Variants in STAP1 observed in about 807,000 individuals in gnomAD.
The protein encoded by STAP1 is signal-transducing adaptor protein 1.
In STAP1, 30 loss-of-function variants were observed where a neutral mutation model predicts 37.8. That is an observed-to-expected ratio of 0.79 (90% CI 0.59 to 1.08). The LOEUF (loss-of-function observed/expected upper bound fraction) is 1.08. STAP1 is among the 50% of genes least tolerant of loss of function. The pLI is 0.00. For synonymous variants in STAP1, 130 were observed against 116.0 expected (o/e 1.12, Z -0.78); for missense variants, 357 against 349.4 (o/e 1.02, Z -0.17).
intron 4 of STAP1, among the ~76,000 whole-genome samples, chr4:67,577,651 C>CTTTTT (rs71219058): frequency 2.2e-5 from 2 of 91,580 alleles, no homozygotes; most frequent in African/African-American, 1.1e-4. Flanking sequence ...TTCTTTCTTT[C>CTTTTT]TTTTTTTTTT....
At chr4:67,575,689 T>C (rs2109861021) in intron 3 of STAP1, among the ~76,000 whole-genome samples, 191 bp downstream of exon 3, 1 of 152,354 alleles carries the variant, frequency 6.6e-6, no homozygotes, top group East Asian at 1.9e-4. Context: ...TTGTTTAGCA[T>C]ACAAGCGCCA....
chr4:67,564,109 G>A (rs936128307), intron 1 of STAP1, among the ~76,000 whole-genome samples: 6 of 151,850 alleles, frequency 4.0e-5, no homozygotes, highest in Non-Finnish European at 4.4e-5. Context: ...ACATCTTATC[G>A]AAATGAAATC....
Position 67,590,868 on chromosome 4 carries a change from A to G in STAP1, c.660-16A>G. On this transcript the variant is annotated splice_polypyrimidine_tract_variant and intron_variant, in intron 6 of 8. Coordinates refer to ENST00000265404, the MANE Select transcript of STAP1 (RefSeq NM_012108.4). ...TTGTATAATAAAATGGAGACTAACC[A>G]TTTGTTTCATTGTAGCATTCCAAGA... 1 of 1,600,562 alleles carries G rather than the reference A, an allele frequency of 6.2e-7. No individual in the cohort carries two copies. The highest frequency in any genetic ancestry group is 1.1e-5 in the South Asian group (1 of 89,788).
chr4:67,558,841 C>T lies in STAP1; in HGVS notation c.32C>T (p.Pro11Leu). MMAKKPPKPA[P>L]RRIFQERLKI... ...GCTAAGAAGCCCCCAAAACCAGCCC[C>T]TCGCAGGATCTTCCAGGAAAGGTTA... The change falls in exon 1 of 9, where the codon CCT becomes CTT. Residue 11 changes from proline (P) to leucine (L), a missense_variant. By Grantham distance (98) the Pro-to-Leu change is moderately conservative (BLOSUM62 -3). Coordinates refer to ENST00000265404, the MANE Select transcript of STAP1 (RefSeq NM_012108.4). The T allele has an allele frequency of 1.9e-6, 3 of 1,613,530 alleles. No individual in the cohort carries two copies. Among genetic ancestry groups the T allele is most frequent in the Non-Finnish European group, 2.5e-6 (3 of 1,179,606 alleles).
chr4:67,574,756 A>T (rs1463190009), intron 2 of STAP1, among the ~76,000 whole-genome samples: 2 of 152,366 alleles, frequency 1.3e-5, no homozygotes, highest in Non-Finnish European at 2.9e-5. Flanking sequence ...CGAAGAATGT[A>T]CAACAGGCTG....
intron 6 of STAP1, among the ~76,000 whole-genome samples, chr4:67,588,498 C>T (rs1222555378): frequency 6.6e-6 from 1 of 152,142 alleles, no homozygotes; most frequent in Non-Finnish European, 1.5e-5. Flanking sequence ...CCATCTCCGC[C>T]TCCCGGGTTC....
chr4:67,587,726 T>C (rs1728016340), intron 6 of STAP1, among the ~76,000 whole-genome samples: 1 of 149,998 alleles, frequency 6.7e-6, no homozygotes, highest in Non-Finnish European at 1.5e-5. Context: ...TTTCTTTTTT[T>C]TTTTTTTTTT....
intron 6 of STAP1, 120 bp from the exon 7 acceptor site, chr4:67,590,764 T>TTG (rs1472726904): frequency 2.6e-6 from 1 of 390,666 alleles, no homozygotes; most frequent in East Asian, 4.2e-5. Flanking sequence ...TTTTTTTTTT[T>TTG]TGCCAAACTA....
intron 1 of STAP1, among the ~76,000 whole-genome samples, chr4:67,565,931 C>T (rs1046983792): frequency 2.2e-5 from 3 of 136,326 alleles, no homozygotes; most frequent in Non-Finnish European, 4.7e-5. Context: ...CTCAACCCAA[C>T]TGCTTTTTTT....
intron 8 of STAP1, among the ~76,000 whole-genome samples, chr4:67,601,215 G>A (rs2632452): frequency 0.85 from 128,581 of 152,164 alleles, 55,615 homozygotes; most frequent in Non-Finnish European, 0.94. Flanking sequence ...ACAACTTAAC[G>A]TTGACTGCAA....
At chr4:67,592,865 G>T (rs60017253) in intron 7 of STAP1, among the ~76,000 whole-genome samples, 1 of 151,910 alleles carries the variant, frequency 6.6e-6, no homozygotes, top group Non-Finnish European at 1.5e-5. Context: ...TTCAATTTTC[G>T]TAGAGACAGG....
chr4:67,604,514 T>C (rs966307955), intron 8 of STAP1, among the ~76,000 whole-genome samples: 1 of 152,198 alleles, frequency 6.6e-6, no homozygotes, highest in Non-Finnish European at 1.5e-5. Flanking sequence ...CATCTATCTT[T>C]ATATTCATTT....
chr4:67,584,552 T>A (rs540166455), intron 6 of STAP1, among the ~76,000 whole-genome samples: 1 of 152,300 alleles, frequency 6.6e-6, no homozygotes, highest in East Asian at 1.9e-4. Flanking sequence ...TGGTTGCTAT[T>A]GTTTTAATAT....
intron 4 of STAP1, among the ~76,000 whole-genome samples, chr4:67,580,951 C>G (rs1727840100): frequency 6.6e-6 from 1 of 152,176 alleles, no homozygotes; most frequent in African/African-American, 2.4e-5. Flanking sequence ...TGAAGGTGTT[C>G]TGGAAAATCC....
intron 6 of STAP1, among the ~76,000 whole-genome samples, chr4:67,588,497 C>T (rs1323679509): frequency 3.9e-5 from 6 of 152,076 alleles, no homozygotes; most frequent in African/African-American, 1.2e-4. Flanking sequence ...GCCATCTCCG[C>T]CTCCCGGGTT....
At chr4:67,575,349 G>T in intron 2 of STAP1, 36 bp from the exon 3 acceptor site, 1 of 1,413,146 alleles carries the variant, frequency 7.1e-7, no homozygotes, top group East Asian at 2.4e-5. Flanking sequence ...TATTACCCAT[G>T]AAATAATGTA....
At chr4:67,583,730 A>T in intron 6 of STAP1, 28 bp downstream of exon 6, 1 of 1,601,788 alleles carries the variant, frequency 6.2e-7, no homozygotes, top group African/African-American at 1.3e-5. Context: ...AAATGTATGG[A>T]ATTTTTAAAA....
intron 4 of STAP1, among the ~76,000 whole-genome samples, chr4:67,580,730 A>G (rs1436425773): frequency 4.6e-5 from 7 of 152,240 alleles, no homozygotes; most frequent in Admixed American, 6.5e-5. Flanking sequence ...CATCTCTAGG[A>G]AAGGTAACAA....
In STAP1 at chr4:67,600,203, C is replaced by T. The variant is rs148136702; in HGVS notation, c.827-6093C>T. ...CATAGATTTTGGTCTCTTGAATTGC[C>T]ATTTTGATTTGTTTCAAGAAATTTT... is the stretch of plus-strand genomic sequence containing the variant. On this transcript the variant is annotated intron_variant, in intron 8 of 8. Coordinates refer to ENST00000265404, the MANE Select transcript of STAP1 (RefSeq NM_012108.4). Among the ~76,000 whole-genome samples the T allele has an allele frequency of 4.2e-3, 636 of 152,132 alleles. 7 individuals carry two copies. Among genetic ancestry groups the T allele is most frequent in the African/African-American group, 0.014 (598 of 41,506 alleles).
Sources: allele counts gnomAD v4.1 joint callset (sites outside exome capture counted in the v4.1 genomes callset), GRCh38; gene constraint gnomAD v4.1.1; transcripts MANE v1.5; gene names NCBI Gene and HGNC (gene_info 2026-07-23, HGNC 2026-07-21).